SNAP25: variants seen among roughly 807,000 people sequenced by gnomAD.
SNAP25 encodes synaptosome associated protein 25.
SNAP25 carries 3 observed loss-of-function variants against 28.7 expected under a neutral mutation model. The ratio of observed to expected loss-of-function variants is 0.10; its 90% CI spans 0.05 to 0.27. The LOEUF (loss-of-function observed/expected upper bound fraction) is 0.27, where lower values mean the gene tolerates loss of function less well. SNAP25 is among the 10% of genes least tolerant of loss of function. SNAP25 has a pLI of 1.00. For missense variants in SNAP25, 117 were observed against 278.7 expected (o/e 0.42, Z 4.13); for synonymous variants, 61 against 88.1 (o/e 0.69, Z 1.72).
At chr20:10,224,284 T>TTTTTTTTTG (rs2062693949) in intron 1 of SNAP25, among the ~76,000 whole-genome samples, 1 of 131,224 alleles carries the variant, frequency 7.6e-6, no homozygotes, top group African/African-American at 2.9e-5. Flanking sequence ...TTTTTTTTTT[T>TTTTTTTTTG]TTTTTTTTGC....
At position 10,277,700 on chromosome 20, in the gene SNAP25, C is replaced by T; in HGVS notation, c.88C>T (p.Arg30Cys). 4 of 1,613,588 alleles carry T rather than the reference C, an allele frequency of 2.5e-6. No individual in the cohort carries two copies. Among genetic ancestry groups the T allele is most frequent in the Admixed American group, 1.7e-5 (1 of 60,008 alleles). Residue 30 changes from arginine (R) to cysteine (C), a missense_variant, in exon 3 of 8, where the codon CGT becomes TGT. Physicochemically the swap from Arg to Cys is radical, Grantham distance 180 (BLOSUM62 -3). Around this residue, in one of 3 missense-constraint regions of SNAP25, gnomAD observed 29 missense variants for 53.5 expected, o/e 0.54. Coordinates refer to ENST00000254976, the MANE Select transcript of SNAP25 (RefSeq NM_130811.4). ...TAAATCTTAGTCGCTGGAAAGCACC[C>T]GTCGTATGCTGCAACTGGTTGAAGA... is the stretch of plus-strand genomic sequence containing the variant. Reference protein sequence around the residue: ...QLADESLESTRRMLQLVEESK... With the variant: ...QLADESLESTCRMLQLVEESK...
chr20:10,245,657 A>T (rs1420345059), intron 1 of SNAP25, among the ~76,000 whole-genome samples: 1 of 151,946 alleles, frequency 6.6e-6, no homozygotes, highest in Admixed American at 6.6e-5. Context: ...TCAACTACAA[A>T]CTTCTGGGCG....
At chr20:10,279,603 A>G (rs1417714738) in intron 3 of SNAP25, among the ~76,000 whole-genome samples, 1 of 152,222 alleles carries the variant, frequency 6.6e-6, no homozygotes, top group Non-Finnish European at 1.5e-5. Flanking sequence ...ACTGCAAGCC[A>G]TGTCGTCCAG....
chr20:10,254,256 A>G (rs1261094344), intron 1 of SNAP25, among the ~76,000 whole-genome samples: 1 of 152,222 alleles, frequency 6.6e-6, no homozygotes, highest in Non-Finnish European at 1.5e-5. Context: ...TTAGCCAATG[A>G]CTGACTGACA....
chr20:10,242,244 G>T (rs1427618410), intron 1 of SNAP25, among the ~76,000 whole-genome samples: 1 of 152,202 alleles, frequency 6.6e-6, no homozygotes, highest in Non-Finnish European at 1.5e-5. Flanking sequence ...AGCAAGCAAG[G>T]ATGTGGTTGC....
chr20:10,287,777 A>AGACT (rs912188418), intron 4 of SNAP25, among the ~76,000 whole-genome samples: 1 of 151,564 alleles, frequency 6.6e-6, no homozygotes, highest in African/African-American at 2.4e-5. Context: ...CAACAATGAT[A>AGACT]GACTGGATTA....
chr20:10,303,840 C>A (rs2064295483), intron 7 of SNAP25, among the ~76,000 whole-genome samples: 1 of 152,106 alleles, frequency 6.6e-6, no homozygotes, highest in South Asian at 2.1e-4. Context: ...GCAAACATAA[C>A]CCAAGCAGTA....
chr20:10,248,721 G>A (rs2063173367), intron 1 of SNAP25, among the ~76,000 whole-genome samples: 1 of 152,184 alleles, frequency 6.6e-6, no homozygotes, highest in Non-Finnish European at 1.5e-5. Flanking sequence ...ACTCCTCAGA[G>A]CATTTTTGAC....
chr20:10,304,027 TA>T (rs1333138029), intron 7 of SNAP25, among the ~76,000 whole-genome samples: 1 of 152,196 alleles, frequency 6.6e-6, no homozygotes, highest in East Asian at 1.9e-4. Flanking sequence ...AATTGCAAGA[TA>T]AACTAATGAG....
At chr20:10,224,019 A>G (rs557041868) in intron 1 of SNAP25, among the ~76,000 whole-genome samples, 37 of 152,296 alleles carry the variant, frequency 2.4e-4, no homozygotes, top group Non-Finnish European at 4.7e-4. Context: ...GTGTTTACCT[A>G]TACTGGCTCA....
At chr20:10,295,244 T>C (rs752035041) in intron 5 of SNAP25, among the ~76,000 whole-genome samples, 2 of 152,240 alleles carry the variant, frequency 1.3e-5, no homozygotes, top group East Asian at 1.9e-4. Context: ...ATGTGCAGCA[T>C]TGTGGGTGCA....
chr20:10,275,436 G>A lies in SNAP25; in HGVS notation c.-56G>A. 6.6e-7 allele frequency: 1 copy of A among 1,521,024 alleles called. No individual in the cohort carries two copies. The highest frequency in any genetic ancestry group is 8.9e-7 in the Non-Finnish European group (1 of 1,118,376). The allele number at this position is 1,521,024 out of a possible 1,614,324, so 94.2% of individuals were successfully genotyped here. On this transcript the variant is annotated 5_prime_UTR_variant, in exon 2 of 8. Coordinates refer to ENST00000254976, the MANE Select transcript of SNAP25 (RefSeq NM_130811.4). Reference sequence around the variant, plus strand: ...ATATCTACTTCTTCCCAGGTCCAGAGCCAAACCCGTCACTGACCCCCCAGC... The same window carrying A: ...ATATCTACTTCTTCCCAGGTCCAGAACCAAACCCGTCACTGACCCCCCAGC...
intron 1 of SNAP25, among the ~76,000 whole-genome samples, chr20:10,262,976 C>G (rs1218318636): frequency 6.7e-6 from 1 of 149,520 alleles, no homozygotes; most frequent in Non-Finnish European, 1.5e-5. Context: ...GCTGCCACTC[C>G]CAGTGGATCA....
At chr20:10,283,186 T>C (rs1308540970) in intron 3 of SNAP25, among the ~76,000 whole-genome samples, 3 of 152,236 alleles carry the variant, frequency 2.0e-5, no homozygotes, top group African/African-American at 4.8e-5. Flanking sequence ...TGAATATATT[T>C]ATTTTAGAAA....
chr20:10,275,463 C>A lies in SNAP25; in HGVS notation c.-29C>A. On this transcript the variant is annotated 5_prime_UTR_variant, in exon 2 of 8. Coordinates refer to ENST00000254976, the MANE Select transcript of SNAP25 (RefSeq NM_130811.4). ...CAAACCCGTCACTGACCCCCCAGCC[C>A]AGGCGCCCAGCCACTCCCCACCGCT... is the stretch of plus-strand genomic sequence containing the variant. 1 of 1,583,414 alleles carries A rather than the reference C, an allele frequency of 6.3e-7. No homozygotes were observed. The highest frequency in any genetic ancestry group is 2.3e-5 in the East Asian group (1 of 44,002).
At chr20:10,282,162 T>TGGAAGGAAGGAA (rs536313526) in intron 3 of SNAP25, among the ~76,000 whole-genome samples, 62 of 76,628 alleles carry the variant, frequency 8.1e-4, no homozygotes, top group East Asian at 4.1e-3. Flanking sequence ...GAAGGAAGGA[T>TGGAAGGAAGGAA]GGAAGGAAGG....
chr20:10,229,239 T>C (rs898228429), intron 1 of SNAP25, among the ~76,000 whole-genome samples: 1 of 152,172 alleles, frequency 6.6e-6, no homozygotes, highest in African/African-American at 2.4e-5. Context: ...TCATTTTATA[T>C]TCAGCTTTGT....
chr20:10,222,780 G>A (rs781429693), intron 1 of SNAP25, among the ~76,000 whole-genome samples: 17 of 152,192 alleles, frequency 1.1e-4, no homozygotes, highest in Non-Finnish European at 2.2e-4. Flanking sequence ...CCTTACTGAA[G>A]CATCTTTTAA....
At chr20:10,299,122 C>A in intron 6 of SNAP25, 146 bp from the exon 7 acceptor site, 2 of 888,258 alleles carry the variant, frequency 2.3e-6, no homozygotes, top group South Asian at 2.1e-5. Context: ...TGTATGAAAG[C>A]TAAAATGTGT....
Sources: allele counts gnomAD v4.1 joint callset (sites outside exome capture counted in the v4.1 genomes callset), GRCh38; gene constraint gnomAD v4.1.1; regional missense constraint gnomAD v4.1.1; transcripts MANE v1.5; gene names NCBI Gene and HGNC (gene_info 2026-07-23, HGNC 2026-07-21).